TPR: variants seen among roughly 807,000 people sequenced by gnomAD.
TPR encodes the protein nucleoprotein TPR.
Under a neutral mutation model 316.1 loss-of-function variants are expected in TPR, and 51 were observed. The ratio of observed to expected loss-of-function variants is 0.16; its 90% CI spans 0.13 to 0.20. TPR has a LOEUF of 0.20. Among genes scored for constraint, TPR ranks in the 10% least tolerant of loss-of-function variants. The pLI is 1.00. For synonymous variants in TPR, 981 were observed against 914.7 expected (o/e 1.07, Z -1.31); for missense variants, 2,272 against 2,754.8 (o/e 0.82, Z 3.92).
In TPR at chr1:186,334,305, A is replaced by C; in HGVS notation, c.5182+20T>G. On this transcript the variant is annotated intron_variant, in intron 36 of 50. Coordinates refer to ENST00000367478, the MANE Select transcript of TPR (RefSeq NM_003292.3). ...AAATCTAAATAAGCAGTCTCATCAG[A>C]TCTGTATTATTTTACTAACCTTCCT... 2 of 1,595,926 alleles carry C rather than the reference A, an allele frequency of 1.3e-6. No individual in the cohort carries two copies. Among genetic ancestry groups the C allele is most frequent in the African/African-American group, 1.3e-5 (1 of 74,652 alleles).
Position 186,312,624 on chromosome 1 carries a change from C to T in TPR, c.*1347G>A. ...ATACTATTTATCAAGTACTTCTTACCAAGAACATTATATACCAGTCTATAA... is the reference window on the plus strand; with the variant it reads ...ATACTATTTATCAAGTACTTCTTACTAAGAACATTATATACCAGTCTATAA... On this transcript the variant is annotated 3_prime_UTR_variant, in exon 51 of 51. Transcript: ENST00000367478. 1.1e-6 allele frequency: 1 copy of T among 905,112 alleles called. No individual in the cohort carries two copies. 56.1% of individuals were successfully genotyped at this position (905,112 alleles called of 1,614,324 possible). A position where few individuals can be genotyped will look rare whatever the true frequency, so the allele number is the denominator to read the frequency against.
intron 1 of TPR, among the ~76,000 whole-genome samples, chr1:186,374,017 T>C (rs1659613062): frequency 6.6e-6 from 1 of 152,240 alleles, no homozygotes; most frequent in African/African-American, 2.4e-5. Flanking sequence ...GAATGCAATG[T>C]ACTATACTCA....
chr1:186,356,225 A>C (rs2101980078), intron 15 of TPR, 61 bp downstream of exon 15: 1 of 1,439,166 alleles, frequency 6.9e-7, no homozygotes, highest in Non-Finnish European at 9.3e-7. Context: ...TTATGTTGCA[A>C]AATTAATCCC....
At chr1:186,335,241 C>A in intron 34 of TPR, 97 bp downstream of exon 34, 1 of 1,541,956 alleles carries the variant, frequency 6.5e-7, no homozygotes, top group Non-Finnish European at 8.8e-7. Flanking sequence ...GAATTTTAGC[C>A]AAAATTCACT....
chr1:186,315,225 C>CA lies in TPR; in HGVS notation c.6941-502dup, dbSNP rs200296717. Among the ~76,000 whole-genome samples, 42 of 131,648 alleles carry CA rather than the reference C, an allele frequency of 3.2e-4. 1 individual carries two copies. The highest frequency in any genetic ancestry group is 3.7e-4 in the Non-Finnish European group (24 of 64,238). The allele number at this position is 131,648 out of a possible 152,430, so 86.4% of individuals were successfully genotyped here. A position where few individuals can be genotyped will look rare whatever the true frequency, so the allele number is the denominator to read the frequency against. ...CTGTCTCAAAAAAAAAACAAACAAACAAACAAAAAAAAAACACCAAAAAAA... is the reference window on the plus strand; with the variant it reads ...CTGTCTCAAAAAAAAAACAAACAAACAAAACAAAAAAAAAACACCAAAAAAA... On this transcript the variant is annotated intron_variant, in intron 49 of 50. Transcript: ENST00000367478.
rs747326923 is a variant in TPR, at chr1:186,346,265, T to C, written c.2966A>G (p.Asn989Ser). ...EKQVTEEVRK[N>S]IEVRLKESAE... ...TGACTCTTTTAAACGAACTTCAATATTCTTACGCACTTCTTCTGTCACCTT... is the reference window on the plus strand; with the variant it reads ...TGACTCTTTTAAACGAACTTCAATACTCTTACGCACTTCTTCTGTCACCTT... Residue 989 changes from asparagine to serine, a missense_variant, in exon 23 of 51, where the codon AAT becomes AGT. Physicochemically the swap from Asn to Ser is conservative, Grantham distance 46 (BLOSUM62 1). Coordinates refer to ENST00000367478, the MANE Select transcript of TPR (RefSeq NM_003292.3). The C allele has an allele frequency of 3.4e-5, 55 of 1,612,914 alleles. No individual in the cohort carries two copies. Among genetic ancestry groups the C allele is most frequent in the Non-Finnish European group, 4.5e-5 (53 of 1,179,616 alleles).
intron 39 of TPR, 111 bp from the exon 40 acceptor site, chr1:186,327,771 T>C (rs1658045655): frequency 3.3e-6 from 3 of 909,104 alleles, no homozygotes; most frequent in Non-Finnish European, 1.6e-6. Context: ...ACTTATGGAC[T>C]AGCAGCATTT....
At position 186,323,594 on chromosome 1, in the gene TPR, A is replaced by G. The variant is rs1418151278; in HGVS notation, c.6297+92T>C. ...TTCATGGGATTGCTAATTTAAAAAA[A>G]CCAAGAGAGAGAGAGAAATACATAA... On this transcript the variant is annotated intron_variant, in intron 43 of 50. Coordinates refer to ENST00000367478, the MANE Select transcript of TPR (RefSeq NM_003292.3). 2.4e-6 allele frequency: 3 copies of G among 1,247,142 alleles called. No individual in the cohort carries two copies. The African/African-American group carries it at 4.7e-5, about 20-fold the overall frequency. The allele number at this position is 1,247,142 out of a possible 1,614,324, so 77.3% of individuals were successfully genotyped here.
Position 186,315,150 on chromosome 1 carries a change from G to A in TPR, c.6941-426C>T, listed in dbSNP as rs564498651. On this transcript the variant is annotated intron_variant, in intron 49 of 50. Coordinates refer to ENST00000367478, the MANE Select transcript of TPR (RefSeq NM_003292.3). ...AAGCTAACAGTACTCCAGGGAGACCGGTGAGATCCTGCCTTAAAAAACACC... is the reference window on the plus strand; with the variant it reads ...AAGCTAACAGTACTCCAGGGAGACCAGTGAGATCCTGCCTTAAAAAACACC... Among the ~76,000 whole-genome samples, 16 of 150,926 alleles carry A rather than the reference G, an allele frequency of 1.1e-4. 1 individual carries two copies. The highest frequency in any genetic ancestry group is 2.9e-4 in the African/African-American group (12 of 40,836).
chr1:186,320,461 C>A, intron 45 of TPR, 43 bp from the exon 46 acceptor site: 4 of 1,513,044 alleles, frequency 2.6e-6, no homozygotes, highest in Non-Finnish European at 1.8e-6. Context: ...TTAAAGTTAA[C>A]CTATTTAAAC....
intron 48 of TPR, among the ~76,000 whole-genome samples, chr1:186,318,234 C>G (rs1478848203): frequency 6.6e-6 from 1 of 151,452 alleles, no homozygotes; most frequent in Non-Finnish European, 1.5e-5. Flanking sequence ...GAGGCTGAGG[C>G]AGAAAATTGC....
chr1:186,372,642 C>T (rs568216370), intron 2 of TPR, among the ~76,000 whole-genome samples: 1 of 152,304 alleles, frequency 6.6e-6, no homozygotes, highest in South Asian at 2.1e-4. Context: ...ACAGCCAGAC[C>T]ACCCTGAAGG....
chr1:186,327,089 C>T lies in TPR; in HGVS notation c.5889+371G>A, dbSNP rs5023414. Among the ~76,000 whole-genome samples, 56 of 5,754 alleles carry T rather than the reference C, an allele frequency of 9.7e-3. 6 individuals carry two copies. Among genetic ancestry groups the T allele is most frequent in the East Asian group, 0.015 (3 of 200 alleles). The allele number at this position is 5,754 out of a possible 152,430, so 3.8% of individuals were successfully genotyped here. A position where few individuals can be genotyped will look rare whatever the true frequency, so the allele number is the denominator to read the frequency against. On this transcript the variant is annotated intron_variant, in intron 40 of 50. Coordinates refer to ENST00000367478, the MANE Select transcript of TPR (RefSeq NM_003292.3). ...TATATAAATATATATAAATATATAA[C>T]ATATATATTATATATATAAATATAT...
chr1:186,354,240 G>C (rs1658956286), intron 17 of TPR, among the ~76,000 whole-genome samples: 2 of 151,860 alleles, frequency 1.3e-5, no homozygotes, highest in African/African-American at 4.8e-5. Flanking sequence ...CAAATGTAGT[G>C]GTTCAAGTTC....
intron 4 of TPR, among the ~76,000 whole-genome samples, chr1:186,367,060 CTTTTTTT>C (rs71104854): frequency 1.1e-5 from 1 of 89,568 alleles, no homozygotes; most frequent in African/African-American, 4.2e-5. Flanking sequence ...CCCAAAACAC[CTTTTTTT>C]TTTTTTTTTT....
intron 40 of TPR, among the ~76,000 whole-genome samples, chr1:186,326,805 A>G (rs952276679): frequency 6.0e-5 from 9 of 149,120 alleles, no homozygotes; most frequent in East Asian, 4.0e-4. Context: ...TCATTTATCA[A>G]TAAGACTTAA....
In TPR at chr1:186,364,737, T is replaced by C. The variant is rs563027981; in HGVS notation, c.428-1292A>G. ...GAAACAGCAGATGCTGCTAAGAAAA[T>C]CATTGAGAAAGGTTATATGCCTGCA... On this transcript the variant is annotated intron_variant, in intron 4 of 50. Transcript: ENST00000367478. Among the ~76,000 whole-genome samples, 76 of 152,142 alleles carry C rather than the reference T, an allele frequency of 5.0e-4. 1 individual carries two copies. Among genetic ancestry groups the C allele is most frequent in the Non-Finnish European group, 1.3e-4 (9 of 68,016 alleles).
Position 186,320,378 on chromosome 1 carries a change from G to A in TPR, c.6502C>T (p.Pro2168Ser), listed in dbSNP as rs183345967. Residue 2168 changes from proline to serine, a missense_variant, in exon 46 of 51, where the codon CCA (proline) becomes TCA (serine). Pro to Ser is a moderately conservative substitution (Grantham distance 74). Coordinates refer to ENST00000367478, the MANE Select transcript of TPR (RefSeq NM_003292.3). ...VAGVPRFRFG[P>S]PEDMPQTSSS... ...CTTGTTTGTGGCATATCTTCAGGTG[G>A]CCCAAACCGGAATCTAGGGACACCA... The A allele has an allele frequency of 2.3e-3, 3,774 of 1,612,620 alleles. 128 individuals carry two copies. In the Admixed American group the frequency reaches 0.058, roughly 25 times the overall value.
intron 22 of TPR, among the ~76,000 whole-genome samples, chr1:186,346,626 A>G (rs1236576478): frequency 4.6e-5 from 7 of 152,174 alleles, no homozygotes; most frequent in South Asian, 2.1e-4. Flanking sequence ...TTTATTTACA[A>G]TGATGTCAAC....
Sources: gnomAD v4.1 joint callset for allele counts (sites outside exome capture counted in the v4.1 genomes callset) on GRCh38, gnomAD v4.1.1 for gene constraint, MANE v1.5 for transcripts, NCBI Gene and HGNC (gene_info 2026-07-23, HGNC 2026-07-21) for gene names.